Variants in RBM19 observed in about 807,000 individuals in gnomAD.
RBM19 encodes the protein RNA binding motif protein 19, also known as probable RNA-binding protein 19.
In RBM19, 94 loss-of-function variants were observed where a neutral mutation model predicts 116.8. That is an observed-to-expected ratio of 0.80 (90% CI 0.68 to 0.95). The LOEUF is 0.95. Among genes scored for constraint, RBM19 ranks in the 40% least tolerant of loss-of-function variants. The pLI is 0.00. For missense variants in RBM19, 1,161 were observed against 1,220.7 expected (o/e 0.95, Z 0.73); for synonymous variants, 475 against 494.1 (o/e 0.96, Z 0.51).
At chr12:113,928,636 T>C (rs1284253729) in intron 16 of RBM19, among the ~76,000 whole-genome samples, 1 of 145,302 alleles carries the variant, frequency 6.9e-6, no homozygotes, top group Non-Finnish European at 1.5e-5. Context: ...TGTGTGTGTG[T>C]GTGTGTGTGT....
chr12:113,884,120 A>ACAAAAAAAC lies in RBM19; in HGVS notation c.2559-25225_2559-25224insGTTTTTTTG, dbSNP rs1555235356. Among the ~76,000 whole-genome samples, 153 of 145,828 alleles carry ACAAAAAAAC rather than the reference A, an allele frequency of 1.0e-3. 2 individuals carry two copies. Among genetic ancestry groups the ACAAAAAAAC allele is most frequent in the African/African-American group, 3.3e-3 (129 of 39,558 alleles). On this transcript the variant is annotated intron_variant, in intron 21 of 23. Coordinates refer to ENST00000261741, the MANE Select transcript of RBM19 (RefSeq NM_016196.4). ...GGATACTCCATCTCTACCAAAAAAA[A>ACAAAAAAAC]AAAAAAACAAAAAACTCGCCAGGCA... is the stretch of plus-strand genomic sequence containing the variant.
At chr12:113,965,899 G>C (rs1320397259) in intron 1 of RBM19, among the ~76,000 whole-genome samples, 1 of 152,190 alleles carries the variant, frequency 6.6e-6, no homozygotes, top group Non-Finnish European at 1.5e-5. Flanking sequence ...GAATGAAAGA[G>C]GTTGTGGGAG....
intron 22 of RBM19, among the ~76,000 whole-genome samples, chr12:113,858,161 C>A (rs1262455099): frequency 6.6e-6 from 1 of 152,254 alleles, no homozygotes; most frequent in Non-Finnish European, 1.5e-5. Context: ...CTGGGCCCAG[C>A]ACCCACTGCA....
chr12:113,846,177 G>A (rs151251615), intron 22 of RBM19, among the ~76,000 whole-genome samples: 20 of 152,332 alleles, frequency 1.3e-4, no homozygotes, highest in African/African-American at 4.6e-4. Context: ...GGAGAGCAAC[G>A]GTGGCTAAGA....
At chr12:113,837,791 A>T (rs1876099941) in intron 23 of RBM19, among the ~76,000 whole-genome samples, 1 of 152,220 alleles carries the variant, frequency 6.6e-6, no homozygotes, top group Admixed American at 6.5e-5. Flanking sequence ...GTTTTCTCAT[A>T]TTTAAAACAG....
chr12:113,849,399 T>G (rs1292055124), intron 22 of RBM19, among the ~76,000 whole-genome samples: 2 of 152,228 alleles, frequency 1.3e-5, no homozygotes, highest in Admixed American at 1.3e-4. Flanking sequence ...TGGTCCTAGC[T>G]GGGGACGCAG....
chr12:113,853,115 G>A (rs537841167), intron 22 of RBM19, among the ~76,000 whole-genome samples: 1 of 152,374 alleles, frequency 6.6e-6, no homozygotes, highest in South Asian at 2.1e-4. Context: ...CCCAGTGCGA[G>A]CTTCTGCCAA....
Position 113,948,990 on chromosome 12 carries a change from G to A in RBM19, c.1119C>T (p.Thr373=), listed in dbSNP as rs1269059906. The part of the protein sequence containing the change: ...EVFREKNVPT[T]KGAPKNTTKS... ...TGGTGGTATTCTTTGGTGCACCCTT[G>A]GTGGTGGGGACGTTCTTTTCCCTGA... The change falls in exon 10 of 24, where the codon ACC becomes ACT. Residue 373 remains threonine (T), a synonymous_variant. Transcript: ENST00000261741. 2 of 1,614,062 alleles carry A rather than the reference G, an allele frequency of 1.2e-6. No homozygotes were observed. Among genetic ancestry groups the A allele is most frequent in the Non-Finnish European group, 1.7e-6 (2 of 1,180,022 alleles).
chr12:113,939,934 C>A, intron 15 of RBM19, 26 bp downstream of exon 15: 2 of 1,609,992 alleles, frequency 1.2e-6, no homozygotes, highest in South Asian at 2.2e-5. Flanking sequence ...TTCTCCAGAT[C>A]AATTCTGGGT....
intron 23 of RBM19, among the ~76,000 whole-genome samples, chr12:113,824,165 G>C (rs1370062280): frequency 6.6e-6 from 1 of 152,204 alleles, no homozygotes; most frequent in East Asian, 1.9e-4. Context: ...ACTCCTGTCA[G>C]CAACCCCACA....
At chr12:113,830,889 T>C (rs547274410) in intron 23 of RBM19, among the ~76,000 whole-genome samples, 6 of 152,266 alleles carry the variant, frequency 3.9e-5, no homozygotes, top group African/African-American at 7.2e-5. Flanking sequence ...TAACATCTCA[T>C]AGGGCCAAGG....
chr12:113,924,811 A>G, intron 17 of RBM19, 54 bp from the exon 18 acceptor site: 1 of 1,469,124 alleles, frequency 6.8e-7, no homozygotes, highest in Non-Finnish European at 9.5e-7. Flanking sequence ...TATGCAGGCA[A>G]GGGCACCTGT....
In RBM19 at chr12:113,903,406, T is replaced by C. The variant is rs186634760; in HGVS notation, c.2558+11563A>G. Among the ~76,000 whole-genome samples, 8 of 152,360 alleles carry C rather than the reference T, an allele frequency of 5.3e-5. No individual in the cohort carries two copies. The highest frequency in any genetic ancestry group is 5.2e-4 in the Admixed American group (8 of 15,306). ...GTATGAATACACCCCATTTTGTTTA[T>C]CCACTCATCAGCTGACAGACATCTG... On this transcript the variant is annotated intron_variant, in intron 21 of 23. Transcript: ENST00000261741. This position sits in a 1 kb window ranked among gnomAD's most constrained non-coding sequence, Gnocchi z 5.1.
chr12:113,935,217 G>C lies in RBM19; in HGVS notation c.2068+1790C>G, dbSNP rs543670676. Among the ~76,000 whole-genome samples the C allele has an allele frequency of 1.3e-4, 20 of 152,242 alleles. No individual in the cohort carries two copies. In the South Asian group the frequency reaches 2.9e-3, roughly 22 times the overall value. On this transcript the variant is annotated intron_variant, in intron 16 of 23. Transcript: ENST00000261741. ...CAGCCTGCCTCCTGTTGCCACCCAA[G>C]GCTGCGGGAAGAGGCCTCCACCAAT... is the stretch of plus-strand genomic sequence containing the variant.
intron 16 of RBM19, among the ~76,000 whole-genome samples, chr12:113,929,478 C>T (rs974215420): frequency 2.6e-5 from 4 of 152,216 alleles, no homozygotes; most frequent in Non-Finnish European, 4.4e-5. Flanking sequence ...ATTTACCCAA[C>T]AAGAGAGACT....
rs962783991 is a variant in RBM19, at chr12:113,870,308, A to G, written c.2559-11412T>C. 4.6e-5 allele frequency among the ~76,000 whole-genome samples: 7 copies of G among 152,178 alleles called. 1 individual carries two copies. The highest frequency in any genetic ancestry group is 4.1e-4 in the South Asian group (2 of 4,828). On this transcript the variant is annotated intron_variant, in intron 21 of 23. Coordinates refer to ENST00000261741, the MANE Select transcript of RBM19 (RefSeq NM_016196.4). ...GCCGCTCAACTTCGCAGCACCTGCT[A>G]TCTCCACTCTGTGCCCACTCCTTCG...
At chr12:113,860,037 T>A (rs1878237454) in intron 21 of RBM19, among the ~76,000 whole-genome samples, 1 of 152,208 alleles carries the variant, frequency 6.6e-6, no homozygotes, top group African/African-American at 2.4e-5. Flanking sequence ...AAATGCGGCA[T>A]TATGAATCCT....
At chr12:113,853,944 C>G (rs6489924) in intron 22 of RBM19, among the ~76,000 whole-genome samples, 37,424 of 151,518 alleles carry the variant, frequency 0.25, 4,810 homozygotes, top group Middle Eastern at 0.33. Context: ...GAGTCCTTCT[C>G]CTTGGTGAGG....
At position 113,895,349 on chromosome 12, in the gene RBM19, A is replaced by T. The variant is rs927754574; in HGVS notation, c.2558+19620T>A. 2.6e-5 allele frequency among the ~76,000 whole-genome samples: 4 copies of T among 152,306 alleles called. No individual in the cohort carries two copies. In the East Asian group the frequency reaches 7.7e-4, roughly 29 times the overall value. On this transcript the variant is annotated intron_variant, in intron 21 of 23. Coordinates refer to ENST00000261741, the MANE Select transcript of RBM19 (RefSeq NM_016196.4). ...GAAGGTGAGCTGCTGGGAGGGAAAC[A>T]GTCAGGACCACCTCTCAACCATACA...
Sources: allele counts gnomAD v4.1 joint callset (sites outside exome capture counted in the v4.1 genomes callset), GRCh38; gene constraint gnomAD v4.1.1; non-coding constraint Gnocchi (gnomAD v3.1); transcripts MANE v1.5; gene names NCBI Gene and HGNC (gene_info 2026-07-23, HGNC 2026-07-21).